GPC6: variants seen among roughly 807,000 people sequenced by gnomAD.
The protein encoded by GPC6 is glypican 6, also known as glypican-6.
GPC6 carries 14 observed loss-of-function variants against 55.2 expected under a neutral mutation model. That is an observed-to-expected ratio of 0.25 (90% CI 0.17 to 0.40). The LOEUF is 0.40. Ranked by LOEUF, GPC6 falls within the 10% of genes least tolerant of loss-of-function variation. GPC6 has a pLI of 1.00. For synonymous variants in GPC6, 278 were observed against 259.6 expected (o/e 1.07, Z -0.68); for missense variants, 641 against 708.5 (o/e 0.90, Z 1.08).
intron 1 of GPC6, among the ~76,000 whole-genome samples, chr13:93,252,243 C>T (rs1225129404): frequency 6.6e-6 from 1 of 152,130 alleles, no homozygotes; most frequent in Non-Finnish European, 1.5e-5. Flanking sequence ...AAATTTAAGA[C>T]TTCAACTATC....
intron 4 of GPC6, among the ~76,000 whole-genome samples, chr13:94,224,281 ATATC>A (rs1445887076): frequency 3.1e-5 from 4 of 128,298 alleles, no homozygotes; most frequent in South Asian, 2.5e-4. Context: ...ATATATATAT[ATATC>A]AAATATACAA....
chr13:94,302,457 T>C (rs1296296892), intron 5 of GPC6, among the ~76,000 whole-genome samples: 1 of 152,220 alleles, frequency 6.6e-6, no homozygotes, highest in Non-Finnish European at 1.5e-5. Flanking sequence ...TGTGATTAGA[T>C]TTCAACTTAT....
At chr13:93,656,818 C>CAAATCTTGAGTACCT (rs1358950847) in intron 2 of GPC6, among the ~76,000 whole-genome samples, 8 of 151,964 alleles carry the variant, frequency 5.3e-5, no homozygotes, top group African/African-American at 1.7e-4. Flanking sequence ...AACATCCAAG[C>CAAATCTTGAGTACCT]TGAGTACCAA....
chr13:94,299,452 A>G (rs1875524839), intron 5 of GPC6, among the ~76,000 whole-genome samples: 1 of 152,212 alleles, frequency 6.6e-6, no homozygotes. Context: ...AATTTCATAT[A>G]CTGAAATCCT....
chr13:93,912,515 G>A (rs1400450579), intron 3 of GPC6, among the ~76,000 whole-genome samples: 1 of 152,074 alleles, frequency 6.6e-6, no homozygotes, highest in African/African-American at 2.4e-5. Flanking sequence ...AGGCCAAGGC[G>A]GGCGGATCAC....
chr13:93,262,939 A>G (rs997185987), intron 1 of GPC6, among the ~76,000 whole-genome samples: 5 of 152,170 alleles, frequency 3.3e-5, no homozygotes, highest in African/African-American at 1.2e-4. Flanking sequence ...AAGAAAAGGG[A>G]GTGGAGGCAT....
chr13:93,337,513 A>G (rs1794696676), intron 1 of GPC6, among the ~76,000 whole-genome samples: 1 of 152,060 alleles, frequency 6.6e-6, no homozygotes, highest in African/African-American at 2.4e-5. Context: ...TAAAAAAAAA[A>G]GAAAAAAATC....
At chr13:93,325,435 T>G (rs2139129018) in intron 1 of GPC6, among the ~76,000 whole-genome samples, 1 of 152,220 alleles carries the variant, frequency 6.6e-6, no homozygotes, top group Non-Finnish European at 1.5e-5. Flanking sequence ...ATGGTAGCAA[T>G]GGGTAGCTTA....
At chr13:94,222,888 C>T (rs986975634) in intron 4 of GPC6, among the ~76,000 whole-genome samples, 3 of 152,136 alleles carry the variant, frequency 2.0e-5, no homozygotes, top group Admixed American at 1.3e-4. Context: ...GCCTCACCAT[C>T]TTAGTTATTG....
chr13:93,768,607 G>A (rs1157797836), intron 2 of GPC6, among the ~76,000 whole-genome samples: 1 of 152,116 alleles, frequency 6.6e-6, no homozygotes, highest in Non-Finnish European at 1.5e-5. Context: ...TAGGAACAAG[G>A]CATGAGTAAA....
intron 1 of GPC6, among the ~76,000 whole-genome samples, chr13:93,441,904 A>T (rs934445829): frequency 1.1e-4 from 17 of 152,304 alleles, no homozygotes; most frequent in African/African-American, 3.8e-4. Flanking sequence ...AGTTATGGGC[A>T]TTGGACATAA....
chr13:93,264,591 G>A (rs368127493), intron 1 of GPC6, among the ~76,000 whole-genome samples: 1 of 151,682 alleles, frequency 6.6e-6, no homozygotes, highest in Admixed American at 6.6e-5. Context: ...TTAATTTTTC[G>A]GTAGAAACAA....
Position 94,334,152 on chromosome 13 carries a change from T to G in GPC6, c.1152+28029T>G, listed in dbSNP as rs532094674. 2.0e-3 allele frequency among the ~76,000 whole-genome samples: 305 copies of G among 152,324 alleles called. 1 individual carries two copies. Among genetic ancestry groups the G allele is most frequent in the South Asian group, 5.2e-3 (25 of 4,834 alleles). On this transcript the variant is annotated intron_variant, in intron 6 of 8. Transcript: ENST00000377047. ...CCTAGAAAGAGCCAGAGGGTGAATATGTTAGACTTTGCAACCCAGTGGTCT... is the reference window on the plus strand; with the variant it reads ...CCTAGAAAGAGCCAGAGGGTGAATAGGTTAGACTTTGCAACCCAGTGGTCT...
At chr13:93,790,369 A>C (rs1885991769) in intron 2 of GPC6, among the ~76,000 whole-genome samples, 1 of 152,198 alleles carries the variant, frequency 6.6e-6, no homozygotes, top group South Asian at 2.1e-4. Flanking sequence ...AGATTCCTGT[A>C]TATTTATTTT....
At chr13:93,312,803 G>T (rs569859271) in intron 1 of GPC6, among the ~76,000 whole-genome samples, 1 of 152,198 alleles carries the variant, frequency 6.6e-6, no homozygotes, top group East Asian at 1.9e-4. Flanking sequence ...GTGTGATTTT[G>T]CTTTGTTTAA....
chr13:94,305,484 T>A (rs1003352671), intron 5 of GPC6, among the ~76,000 whole-genome samples: 6 of 152,168 alleles, frequency 3.9e-5, no homozygotes, highest in African/African-American at 1.4e-4. Context: ...TGGGGACCAT[T>A]TTAAACATTG....
At chr13:93,558,085 AG>A (rs1255122903) in intron 2 of GPC6, among the ~76,000 whole-genome samples, 2 of 152,222 alleles carry the variant, frequency 1.3e-5, no homozygotes, top group Non-Finnish European at 2.9e-5. Flanking sequence ...TTTCAAGTAT[AG>A]GAGGTGCGTT....
chr13:93,665,952 A>T (rs1008957388), intron 2 of GPC6, among the ~76,000 whole-genome samples: 1 of 152,206 alleles, frequency 6.6e-6, no homozygotes, highest in Non-Finnish European at 1.5e-5. Flanking sequence ...CCTCAGTGCT[A>T]TACCCGTAAG....
At chr13:94,352,702 G>A (rs1878611618) in intron 6 of GPC6, among the ~76,000 whole-genome samples, 1 of 152,092 alleles carries the variant, frequency 6.6e-6, no homozygotes, top group African/African-American at 2.4e-5. Context: ...ACACTCTGCT[G>A]TCACCTGTAT....
Sources: allele counts gnomAD v4.1 joint callset (sites outside exome capture counted in the v4.1 genomes callset), GRCh38; gene constraint gnomAD v4.1.1; transcripts MANE v1.5; gene names NCBI Gene and HGNC (gene_info 2026-07-23, HGNC 2026-07-21).